Variants in RHOU observed in about 807,000 individuals in gnomAD.
RHOU encodes the protein ras homolog family member U.
RHOU carries 8 observed loss-of-function variants against 12.6 expected under a neutral mutation model. That is an observed-to-expected ratio of 0.64 (90% CI 0.37 to 1.15). The LOEUF is 1.15. Among genes scored for constraint, RHOU ranks in the 50% most tolerant of loss-of-function variants. The pLI is 0.01. For missense variants in RHOU, 258 were observed against 347.0 expected (o/e 0.74, Z 2.04); for synonymous variants, 161 against 147.4 (o/e 1.09, Z -0.67).
At chr1:228,726,067 TTCTC>T in the RHOU span, among the ~76,000 whole-genome samples, 2 of 152,242 alleles carry the variant, frequency 1.3e-5, no homozygotes, top group Non-Finnish European at 1.5e-5. Flanking sequence ...CATGGGTTTC[TTCTC>T]TCTTTTTTTC....
chr1:228,690,716 CA>C, the RHOU span, among the ~76,000 whole-genome samples: 1 of 152,140 alleles, frequency 6.6e-6, no homozygotes, highest in Non-Finnish European at 1.5e-5. Context: ...CTTCTGATTT[CA>C]AGCGATTCTT....
chr1:228,652,150 G>C, the RHOU span, among the ~76,000 whole-genome samples: 1 of 152,176 alleles, frequency 6.6e-6, no homozygotes, highest in Non-Finnish European at 1.5e-5. Context: ...TCAGATCATA[G>C]ACTAAAAAAT....
the RHOU span, among the ~76,000 whole-genome samples, chr1:228,670,760 T>C: frequency 6.6e-6 from 1 of 152,168 alleles, no homozygotes; most frequent in Non-Finnish European, 1.5e-5. Flanking sequence ...GGGGGCGGAC[T>C]TCTCCCTTGC....
At chr1:228,674,140 T>C in the RHOU span, among the ~76,000 whole-genome samples, 1 of 152,358 alleles carries the variant, frequency 6.6e-6, no homozygotes, top group East Asian at 1.9e-4. Flanking sequence ...TTCCTTTTCA[T>C]GCATGCATTG....
At chr1:228,740,693 T>C (rs1662703322) in intron 2 of RHOU, among the ~76,000 whole-genome samples, 1 of 152,320 alleles carries the variant, frequency 6.6e-6, no homozygotes, top group African/African-American at 2.4e-5. Context: ...GAGGGTTAAG[T>C]GACTCCACTG....
chr1:228,693,690 A>T, the RHOU span, among the ~76,000 whole-genome samples: 1 of 151,956 alleles, frequency 6.6e-6, no homozygotes, highest in South Asian at 2.1e-4. Flanking sequence ...CTGGTCTCCA[A>T]CTCCTGACCT....
the RHOU span, among the ~76,000 whole-genome samples, chr1:228,694,679 T>C: frequency 6.6e-6 from 1 of 152,242 alleles, no homozygotes; most frequent in Non-Finnish European, 1.5e-5. Context: ...TGCATAGTAT[T>C]CTATGGTACA....
At chr1:228,696,901 T>C in the RHOU span, among the ~76,000 whole-genome samples, 3 of 152,168 alleles carry the variant, frequency 2.0e-5, no homozygotes, top group African/African-American at 7.2e-5. Flanking sequence ...ACTGACATTA[T>C]TGATGAGATT....
chr1:228,742,248 A>G (rs1662738489), intron 2 of RHOU, among the ~76,000 whole-genome samples: 2 of 152,250 alleles, frequency 1.3e-5, no homozygotes, highest in African/African-American at 4.8e-5. Flanking sequence ...AGGGAACTAT[A>G]GGATGTTTTC....
At chr1:228,693,110 T>C in the RHOU span, among the ~76,000 whole-genome samples, 1 of 152,178 alleles carries the variant, frequency 6.6e-6, no homozygotes, top group Admixed American at 6.5e-5. Flanking sequence ...AATAATCCTA[T>C]GGGTTATTAA....
the RHOU span, among the ~76,000 whole-genome samples, chr1:228,662,611 C>T: frequency 2.2e-5 from 3 of 137,978 alleles, no homozygotes; most frequent in African/African-American, 8.2e-5. Context: ...TGTTCTCACT[C>T]ATAGGTGGGA....
the RHOU span, among the ~76,000 whole-genome samples, chr1:228,693,613 C>T: frequency 2.0e-5 from 3 of 152,230 alleles, no homozygotes; most frequent in East Asian, 1.9e-4. Flanking sequence ...ACTACAGGCA[C>T]GCGCCACCAC....
the RHOU span, among the ~76,000 whole-genome samples, chr1:228,726,146 C>T: frequency 3.3e-5 from 5 of 152,170 alleles, no homozygotes; most frequent in African/African-American, 1.2e-4. Flanking sequence ...CTAATATACA[C>T]TGGAAAACCT....
At chr1:228,681,482 C>A in the RHOU span, among the ~76,000 whole-genome samples, 1 of 151,660 alleles carries the variant, frequency 6.6e-6, no homozygotes, top group African/African-American at 2.4e-5. Context: ...AAGGGACAGG[C>A]GGGAGGGAAA....
the RHOU span, among the ~76,000 whole-genome samples, chr1:228,706,252 C>T: frequency 3.3e-5 from 5 of 152,094 alleles, no homozygotes; most frequent in Non-Finnish European, 5.9e-5. Context: ...CCACTTCTGA[C>T]ACTGTCTGTT....
rs1011961055 is a variant in RHOU at position 228,736,602 on chromosome 1, C to A, written c.262+598C>A. Among the ~76,000 whole-genome samples the A allele has an allele frequency of 7.0e-4, 107 of 152,290 alleles. 1 individual carries two copies. Among genetic ancestry groups the A allele is most frequent in the Admixed American group, 2.7e-3 (41 of 15,308 alleles). On this transcript the variant is annotated intron_variant, in intron 1 of 2. Coordinates refer to ENST00000366691, the MANE Select transcript of RHOU (RefSeq NM_021205.6). ...GAAGAGTAAACACCATTTCTTTCTT[C>A]TGAGCCCCACCACCTTCCCTGCCCA...
chr1:228,663,600 TTTTTCTTTTCTTTTC>T, the RHOU span, among the ~76,000 whole-genome samples: 3 of 90,022 alleles, frequency 3.3e-5, no homozygotes, highest in Non-Finnish European at 6.4e-5. Flanking sequence ...TTCTTTTCTG[TTTTTCTTTTCTTTTC>T]TTTTCTTTTC....
chr1:228,671,150 A>G, the RHOU span, among the ~76,000 whole-genome samples: 23 of 152,128 alleles, frequency 1.5e-4, no homozygotes, highest in Non-Finnish European at 4.4e-5. Context: ...GATTACAGGC[A>G]TGCATCATCA....
At chr1:228,681,366 C>A in the RHOU span, among the ~76,000 whole-genome samples, 1 of 151,726 alleles carries the variant, frequency 6.6e-6, no homozygotes. Context: ...TTCAGCCTGG[C>A]GGGGAGCGAG....
Sources: gnomAD v4.1 joint callset for allele counts (sites outside exome capture counted in the v4.1 genomes callset) on GRCh38, gnomAD v4.1.1 for gene constraint, MANE v1.5 for transcripts, NCBI Gene and HGNC (gene_info 2026-07-23, HGNC 2026-07-21) for gene names.